DAD1: variants seen among roughly 807,000 people sequenced by gnomAD.
DAD1 encodes defender against cell death 1.
Under a neutral mutation model 9.0 loss-of-function variants are expected in DAD1, and 4 were observed. The ratio of observed to expected loss-of-function variants is 0.44; its 90% CI spans 0.22 to 1.01. The LOEUF (loss-of-function observed/expected upper bound fraction) is 1.01. DAD1 is among the 50% of genes least tolerant of loss of function. The pLI, the probability that DAD1 is intolerant of heterozygous loss-of-function variation, is 0.24. For missense variants in DAD1, 119 were observed against 137.3 expected (o/e 0.87, Z 0.67); for synonymous variants, 60 against 62.5 (o/e 0.96, Z 0.19).
chr14:22,584,494 C>G (rs1566374832), intron 1 of DAD1, among the ~76,000 whole-genome samples: 1 of 151,950 alleles, frequency 6.6e-6, no homozygotes, highest in Non-Finnish European at 1.5e-5. Context: ...GGCAGGACTG[C>G]TTGAGCCAAG....
At chr14:22,572,176 C>T (rs950365236) in intron 2 of DAD1, among the ~76,000 whole-genome samples, 2 of 151,816 alleles carry the variant, frequency 1.3e-5, no homozygotes, top group Non-Finnish European at 2.9e-5. Flanking sequence ...CCCCCAAATT[C>T]ATGTAAGATC....
intron 1 of DAD1, among the ~76,000 whole-genome samples, chr14:22,585,047 A>G (rs1305393673): frequency 6.6e-6 from 1 of 152,268 alleles, no homozygotes; most frequent in East Asian, 1.9e-4. Context: ...GATAACAGTT[A>G]TGAGAGATAA....
intron 1 of DAD1, among the ~76,000 whole-genome samples, chr14:22,579,946 C>T (rs1466050407): frequency 6.7e-6 from 1 of 148,870 alleles, no homozygotes. Context: ...CTCAAACAAT[C>T]CTCCCACCTC....
intron 1 of DAD1, among the ~76,000 whole-genome samples, chr14:22,584,505 G>C (rs2037139339): frequency 6.6e-6 from 1 of 151,936 alleles, no homozygotes; most frequent in South Asian, 2.1e-4. Flanking sequence ...TTGAGCCAAG[G>C]AGTTTGAGGC....
chr14:22,577,241 C>T (rs1032949010), intron 1 of DAD1, among the ~76,000 whole-genome samples: 21 of 152,150 alleles, frequency 1.4e-4, no homozygotes, highest in Admixed American at 1.2e-3. Context: ...CGAGACCAGC[C>T]TGGCCAACAT....
chr14:22,570,288 C>T (rs1465399597), intron 2 of DAD1, among the ~76,000 whole-genome samples: 1 of 152,140 alleles, frequency 6.6e-6, no homozygotes, highest in African/African-American at 2.4e-5. Flanking sequence ...GGGAAACCTG[C>T]GGGTCTATGT....
intron 2 of DAD1, among the ~76,000 whole-genome samples, chr14:22,572,435 C>A (rs2037047847): frequency 6.6e-6 from 1 of 152,114 alleles, no homozygotes; most frequent in Admixed American, 6.6e-5. Flanking sequence ...TGAAGGATCT[C>A]TATGAAAAAC....
rs1470257378 is a variant in DAD1 at position 22,578,557 on chromosome 14, C to T, written c.212-3324G>A. ...ACTCCAGCCTGGGCAAGAGAGACTC[C>T]GTCTCAAAACAAAACAAAACAAAAA... On this transcript the variant is annotated intron_variant, in intron 1 of 2. Coordinates refer to ENST00000250498, the MANE Select transcript of DAD1 (RefSeq NM_001344.4). 7.9e-5 allele frequency among the ~76,000 whole-genome samples: 12 copies of T among 152,242 alleles called. No homozygotes were observed. In the South Asian group the frequency reaches 1.9e-3, roughly 24 times the overall value.
At chr14:22,568,579 G>A (rs1409089005) in intron 2 of DAD1, among the ~76,000 whole-genome samples, 2 of 152,128 alleles carry the variant, frequency 1.3e-5, no homozygotes, top group African/African-American at 4.8e-5. Flanking sequence ...AAGAGACTTT[G>A]ATGAACATCC....
rs2036993174 is a variant in DAD1 at position 22,564,952 on chromosome 14, T to C, written c.*230A>G. On this transcript the variant is annotated 3_prime_UTR_variant, in exon 3 of 3. Transcript: ENST00000250498. ...TTAATTTGGAAGGCAAAAGGTTACATTTAATGAAAGGCAGAGGCTGGATTA... is the reference window on the plus strand; with the variant it reads ...TTAATTTGGAAGGCAAAAGGTTACACTTAATGAAAGGCAGAGGCTGGATTA... 5.0e-6 allele frequency: 3 copies of C among 600,284 alleles called. No individual in the cohort carries two copies. Among genetic ancestry groups the C allele is most frequent in the South Asian group, 2.0e-5 (1 of 48,838 alleles). The allele number at this position is 600,284 out of a possible 1,614,324, so 37.2% of individuals were successfully genotyped here. A position where few individuals can be genotyped will look rare whatever the true frequency, so the allele number is the denominator to read the frequency against.
In DAD1 at chr14:22,564,913, T is replaced by A. The variant is rs2036992724; in HGVS notation, c.*269A>T. 1.4e-5 allele frequency: 8 copies of A among 567,896 alleles called. No homozygotes were observed. The highest frequency in any genetic ancestry group is 3.2e-5 in the Admixed American group (1 of 31,480). 35.2% of individuals were successfully genotyped at this position (567,896 alleles called of 1,614,324 possible). On this transcript the variant is annotated 3_prime_UTR_variant, in exon 3 of 3. Transcript: ENST00000250498. Reference sequence around the variant, plus strand: ...ACAGAGCCAGAGGCATATGGAGGAGTGGCATGGAGTTCTTTAATTTGGAAG... The same window carrying A: ...ACAGAGCCAGAGGCATATGGAGGAGAGGCATGGAGTTCTTTAATTTGGAAG...
chr14:22,589,099 G>A lies in DAD1; in HGVS notation c.59C>T (p.Thr20Ile), dbSNP rs17850558. 1 of 1,614,138 alleles carries A rather than the reference G, an allele frequency of 6.2e-7. No individual in the cohort carries two copies. Among genetic ancestry groups the A allele is most frequent in the African/African-American group, 1.3e-5 (1 of 74,946 alleles). ...GTCCAGCAACTTCAGACGCTGCGGA[G>A]TGGAGCTCAAGTACTCTTCTAAGAA... Reference protein sequence around the residue: ...SRFLEEYLSSTPQRLKLLDAY... With the variant: ...SRFLEEYLSSIPQRLKLLDAY... The change falls in exon 1 of 3, where the codon ACT (threonine) becomes ATT (isoleucine). Residue 20 changes from threonine to isoleucine, a missense_variant. Thr to Ile is a moderately conservative substitution (Grantham distance 89). Coordinates refer to ENST00000250498, the MANE Select transcript of DAD1 (RefSeq NM_001344.4).
At chr14:22,579,143 G>A (rs895107512) in intron 1 of DAD1, among the ~76,000 whole-genome samples, 3 of 150,492 alleles carry the variant, frequency 2.0e-5, no homozygotes, top group African/African-American at 7.4e-5. Context: ...AAAGGCAGAA[G>A]ACCTAAGAGA....
In DAD1 at chr14:22,572,552, A is replaced by G. The variant is rs150124474; in HGVS notation, c.*44+2507T>C. Among the ~76,000 whole-genome samples, 5 of 152,304 alleles carry G rather than the reference A, an allele frequency of 3.3e-5. No individual in the cohort carries two copies. In the East Asian group the frequency reaches 7.7e-4, roughly 23 times the overall value. On this transcript the variant is annotated intron_variant, in intron 2 of 2. Coordinates refer to ENST00000250498, the MANE Select transcript of DAD1 (RefSeq NM_001344.4). ...GAGGATTTTGCTATGCTTTGGGCCC[A>G]TAATTCCCAGCTGAGCAGGTGGTCC... is the stretch of plus-strand genomic sequence containing the variant.
intron 2 of DAD1, among the ~76,000 whole-genome samples, chr14:22,565,759 G>A (rs1390412308): frequency 2.0e-5 from 3 of 152,166 alleles, no homozygotes; most frequent in Non-Finnish European, 4.4e-5. Flanking sequence ...TGTAACTTGT[G>A]AGGTGGAACC....
intron 2 of DAD1, among the ~76,000 whole-genome samples, chr14:22,572,359 C>T (rs2037047225): frequency 6.6e-6 from 1 of 151,764 alleles, no homozygotes. Flanking sequence ...GTTAGAAGCA[C>T]ATAAAAGGAG....
Position 22,580,333 on chromosome 14 carries a change from T to C in DAD1, c.212-5100A>G, listed in dbSNP as rs141081646. On this transcript the variant is annotated intron_variant, in intron 1 of 2. Transcript: ENST00000250498. ...TACTCGGGAGGCTGAGATGGGAAGATTGCTTGAGCCCAGGAGGTAGAGGTT... is the reference window on the plus strand; with the variant it reads ...TACTCGGGAGGCTGAGATGGGAAGACTGCTTGAGCCCAGGAGGTAGAGGTT... Among the ~76,000 whole-genome samples the C allele has an allele frequency of 7.2e-3, 1,096 of 151,944 alleles. 10 individuals are homozygous for C. Among genetic ancestry groups the C allele is most frequent in the South Asian group, 0.025 (118 of 4,810 alleles).
At chr14:22,569,364 C>T (rs2037022662) in intron 2 of DAD1, among the ~76,000 whole-genome samples, 1 of 150,716 alleles carries the variant, frequency 6.6e-6, no homozygotes, top group South Asian at 2.1e-4. Context: ...ACCCAGGAGG[C>T]GGAGGTTATA....
At chr14:22,587,035 G>A (rs934149179) in intron 1 of DAD1, among the ~76,000 whole-genome samples, 22 of 152,130 alleles carry the variant, frequency 1.4e-4, no homozygotes, top group African/African-American at 5.1e-4. Context: ...AAGCCACCTA[G>A]TTCCCACTGG....
Sources: allele counts gnomAD v4.1 joint callset (sites outside exome capture counted in the v4.1 genomes callset), GRCh38; gene constraint gnomAD v4.1.1; transcripts MANE v1.5; gene names NCBI Gene and HGNC (gene_info 2026-07-23, HGNC 2026-07-21).